The following DLC1 variants were observed in gnomAD, a reference collection of about 807,000 sequenced individuals.
DLC1 encodes DLC1 Rho GTPase activating protein.
DLC1 carries 54 observed loss-of-function variants against 140.3 expected under a neutral mutation model. That is an observed-to-expected ratio of 0.38 (90% CI 0.31 to 0.48). The LOEUF (loss-of-function observed/expected upper bound fraction) is 0.48, where lower values mean the gene tolerates loss of function less well. Among genes scored for constraint, DLC1 ranks in the 20% least tolerant of loss-of-function variants. The pLI is 0.96. For synonymous variants in DLC1, 986 were observed against 728.1 expected (o/e 1.35, Z -5.70); for missense variants, 2,536 against 1,907.0 (o/e 1.33, Z -6.14).
In DLC1 at chr8:13,141,713, T is replaced by A. The variant is rs148791947; in HGVS notation, c.1349-26056A>T. On this transcript the variant is annotated intron_variant, in intron 5 of 17. Coordinates refer to ENST00000276297, the MANE Select transcript of DLC1 (RefSeq NM_182643.3). ...CTATTTCTGGAAACCCCTACACAGC[T>A]CCAGATCATTAACTTACTTTAATAG... Among the ~76,000 whole-genome samples, 136 of 152,290 alleles carry A rather than the reference T, an allele frequency of 8.9e-4. 2 individuals are homozygous for A. In the Middle Eastern group the frequency reaches 0.037, roughly 42 times the overall value.
In DLC1 at chr8:13,115,946, C is replaced by A. The variant is rs185975042; in HGVS notation, c.1349-289G>T. ...GCTTCTGAAGTGCTCTGATTACAAA[C>A]GGTTATGAAAATAAGGCATCATGAG... On this transcript the variant is annotated intron_variant, in intron 5 of 17. Coordinates refer to ENST00000276297, the MANE Select transcript of DLC1 (RefSeq NM_182643.3). Among the ~76,000 whole-genome samples the A allele has an allele frequency of 8.8e-4, 134 of 152,188 alleles. 1 individual carries two copies. Among genetic ancestry groups the A allele is most frequent in the Admixed American group, 7.3e-3 (112 of 15,284 alleles).
intron 1 of DLC1, among the ~76,000 whole-genome samples, chr8:13,513,114 G>C (rs1043996491): frequency 1.3e-5 from 2 of 151,912 alleles, no homozygotes; most frequent in East Asian, 3.9e-4. Context: ...TATGAATCAG[G>C]GCACTGTGGT....
intron 5 of DLC1, among the ~76,000 whole-genome samples, chr8:13,121,053 C>G (rs1563639446): frequency 6.6e-6 from 1 of 152,104 alleles, no homozygotes; most frequent in African/African-American, 2.4e-5. Flanking sequence ...AATATGCCAC[C>G]AAAATCAGGC....
chr8:13,280,280 T>G (rs1186568344), intron 5 of DLC1, among the ~76,000 whole-genome samples: 1 of 93,010 alleles, frequency 1.1e-5, no homozygotes, highest in Non-Finnish European at 1.9e-5. Flanking sequence ...GGAGAGAGAC[T>G]CCATCTCAAA....
chr8:13,101,643 C>A (rs781183399), intron 8 of DLC1, among the ~76,000 whole-genome samples: 3 of 152,120 alleles, frequency 2.0e-5, no homozygotes, highest in Admixed American at 6.5e-5. Flanking sequence ...CTTACCAGTA[C>A]CTTTTCTTCC....
chr8:13,593,388 A>G (rs1189091645), intron 1 of DLC1, among the ~76,000 whole-genome samples: 1 of 152,146 alleles, frequency 6.6e-6, no homozygotes, highest in Non-Finnish European at 1.5e-5. Flanking sequence ...TTTGCTCCCC[A>G]GAAGCTGAGT....
At chr8:13,220,966 C>T (rs1036633345) in intron 5 of DLC1, among the ~76,000 whole-genome samples, 1 of 152,094 alleles carries the variant, frequency 6.6e-6, no homozygotes, top group African/African-American at 2.4e-5. Context: ...TGAAATGCAG[C>T]CCCACGTATG....
intron 5 of DLC1, among the ~76,000 whole-genome samples, chr8:13,153,659 C>T (rs1037673013): frequency 6.6e-6 from 1 of 152,122 alleles, no homozygotes; most frequent in South Asian, 2.1e-4. Flanking sequence ...ACACAGAGTG[C>T]TGATTGGTGC....
At chr8:13,273,686 CTGTGTGTGTGTGTG>C (rs59265902) in intron 5 of DLC1, among the ~76,000 whole-genome samples, 12 of 62,548 alleles carry the variant, frequency 1.9e-4, no homozygotes, top group Admixed American at 3.8e-4. Context: ...AGAACTGTGC[CTGTGTGTGTGTGTG>C]TGTGTGTGTG....
chr8:13,216,429 T>C (rs1828201756), intron 5 of DLC1, among the ~76,000 whole-genome samples: 1 of 152,076 alleles, frequency 6.6e-6, no homozygotes, highest in South Asian at 2.1e-4. Context: ...ACTGCTTCCT[T>C]TCATGACACA....
chr8:13,536,294 C>G (rs928995509), intron 1 of DLC1, among the ~76,000 whole-genome samples: 1 of 151,984 alleles, frequency 6.6e-6, no homozygotes, highest in Non-Finnish European at 1.5e-5. Flanking sequence ...TGAAAGGTGA[C>G]AAGGTAAAGT....
At chr8:13,298,499 A>G (rs749865249) in intron 5 of DLC1, among the ~76,000 whole-genome samples, 1 of 152,234 alleles carries the variant, frequency 6.6e-6, no homozygotes, top group Non-Finnish European at 1.5e-5. Flanking sequence ...TTTACAGAAC[A>G]TCTATATTTT....
At chr8:13,259,182 T>C (rs1830383511) in intron 5 of DLC1, among the ~76,000 whole-genome samples, 2 of 141,660 alleles carry the variant, frequency 1.4e-5, no homozygotes, top group Non-Finnish European at 3.1e-5. Flanking sequence ...AGATTAAAAA[T>C]TACAATTATG....
upstream of DLC1, among the ~76,000 whole-genome samples, chr8:13,519,418 G>A (rs1802698544): frequency 6.6e-6 from 1 of 152,120 alleles, no homozygotes; most frequent in Admixed American, 6.5e-5. Context: ...GTGAGCTGCC[G>A]CTCCTGGCTC....
chr8:13,328,350 TCA>T (rs139161316), intron 4 of DLC1, among the ~76,000 whole-genome samples: 8,357 of 152,212 alleles, frequency 0.055, 283 homozygotes, highest in South Asian at 0.13. Flanking sequence ...TATTCATGCC[TCA>T]GTTATATTTT....
intron 5 of DLC1, chr8:13,160,273 G>C (rs923819008): frequency 6.6e-6 from 1 of 152,210 alleles, no homozygotes; most frequent in Middle Eastern, 3.4e-3. Flanking sequence ...CACTTGACTA[G>C]CCTAAAAAAA....
chr8:13,582,083 A>G (rs1309596819), intron 1 of DLC1, among the ~76,000 whole-genome samples: 1 of 152,194 alleles, frequency 6.6e-6, no homozygotes, highest in African/African-American at 2.4e-5. Context: ...TCCCTAGAGA[A>G]TAATAAATTC....
chr8:13,091,118 G>C (rs151103947), intron 14 of DLC1, among the ~76,000 whole-genome samples, 200 bp downstream of exon 14: 1 of 152,020 alleles, frequency 6.6e-6, no homozygotes, highest in African/African-American at 2.4e-5. Flanking sequence ...GCTTTTCCAA[G>C]TAAAGGGACA....
intron 5 of DLC1, among the ~76,000 whole-genome samples, chr8:13,281,828 C>G (rs1831375087): frequency 2.6e-5 from 4 of 152,208 alleles, no homozygotes. Flanking sequence ...CTTTTGACTG[C>G]TGAATTTCAG....
Sources: allele counts gnomAD v4.1 joint callset (sites outside exome capture counted in the v4.1 genomes callset), GRCh38; gene constraint gnomAD v4.1.1; transcripts MANE v1.5; gene names NCBI Gene and HGNC (gene_info 2026-07-23, HGNC 2026-07-21).